PXDN: variants seen among roughly 807,000 people sequenced by gnomAD.
PXDN encodes the protein peroxidasin.
PXDN carries 77 observed loss-of-function variants against 140.3 expected under a neutral mutation model. The ratio of observed to expected loss-of-function variants is 0.55; its 90% CI spans 0.46 to 0.66. The LOEUF (loss-of-function observed/expected upper bound fraction) is 0.66. Among genes scored for constraint, PXDN ranks in the 30% least tolerant of loss-of-function variants. PXDN has a pLI of 0.00. For synonymous variants in PXDN, 911 were observed against 857.4 expected, an observed-to-expected ratio of 1.06 and a Z score of -1.09; for missense variants, 1,838 against 2,039.5, an observed-to-expected ratio of 0.90 and a Z score of 1.90.
At chr2:1,690,645 T>TA (rs1684163900) in intron 3 of PXDN, among the ~76,000 whole-genome samples, 3 of 34,172 alleles carry the variant, frequency 8.8e-5, no homozygotes, top group Non-Finnish European at 1.2e-4. Context: ...ACATTCAAAA[T>TA]ACCAAAAAAA....
At chr2:1,698,912 A>G (rs574587602) in intron 1 of PXDN, among the ~76,000 whole-genome samples, 88 of 152,320 alleles carry the variant, frequency 5.8e-4, no homozygotes, top group African/African-American at 2.0e-3. Context: ...TTTTACATTT[A>G]AAAAGCAAGT....
In PXDN at chr2:1,648,461, G is replaced by A. The variant is rs900790636; in HGVS notation, c.3319C>T (p.Arg1107Trp). Residue 1107 changes from arginine to tryptophan, a missense_variant, in exon 17 of 23, where the codon CGG (arginine) becomes TGG (tryptophan). Arg to Trp is a moderately radical substitution (Grantham distance 101). Around this residue, in one of 5 missense-constraint regions of PXDN, gnomAD observed 850 missense variants for 894.1 expected, o/e 0.95. Coordinates refer to ENST00000252804, the MANE Select transcript of PXDN (RefSeq NM_012293.3). The surrounding 1 kb of genome is among the most constrained non-coding windows in gnomAD (Gnocchi z 8.9). ...PLHKAFFSPF[R>W]IVNEGGIDPL... ...TCGATGCCGCCCTCATTCACAATCC[G>A]GAAGGGAGAGAAGAAAGCTTTGTGA... 9 of 1,610,562 alleles carry A rather than the reference G, an allele frequency of 5.6e-6. No homozygotes were observed. Among genetic ancestry groups the A allele is most frequent in the African/African-American group, 2.7e-5 (2 of 74,924 alleles).
Position 1,654,421 on chromosome 2 carries a change from G to C in PXDN, c.1925C>G (p.Thr642Ser). The change falls in exon 15 of 23, where the codon ACC becomes AGC. Residue 642 changes from threonine (T) to serine (S), a missense_variant. Physicochemically the swap from Thr to Ser is moderately conservative, Grantham distance 58. Transcript: ENST00000252804. Reference sequence around the variant, plus strand: ...ATACCTGTCAAACAAATGTGTTCGGGTTGAGTTTATAGCTCTGTCAACAGT... The same window carrying C: ...ATACCTGTCAAACAAATGTGTTCGGCTTGAGTTTATAGCTCTGTCAACAGT... The part of the protein sequence containing the change: ...IATVDRAINS[T>S]RTHLFDSRPR... The C allele has an allele frequency of 6.2e-7, 1 of 1,613,332 alleles. No individual in the cohort carries two copies. The highest frequency in any genetic ancestry group is 8.5e-7 in the Non-Finnish European group (1 of 1,179,310).
intron 14 of PXDN, among the ~76,000 whole-genome samples, chr2:1,656,633 C>G (rs756852118): frequency 6.7e-6 from 1 of 149,992 alleles, no homozygotes; most frequent in East Asian, 2.0e-4. Flanking sequence ...CCCCTCATGA[C>G]AGGCACCTGC....
At chr2:1,694,547 C>T (rs1044294036) in intron 1 of PXDN, among the ~76,000 whole-genome samples, 2 of 152,248 alleles carry the variant, frequency 1.3e-5, no homozygotes, top group African/African-American at 2.4e-5. Flanking sequence ...CATCATTCCA[C>T]GCCGTGCCCT....
At chr2:1,723,002 G>A (rs1293549857) in intron 1 of PXDN, among the ~76,000 whole-genome samples, 1 of 152,210 alleles carries the variant, frequency 6.6e-6, no homozygotes, top group African/African-American at 2.4e-5. Flanking sequence ...GGATAGATAG[G>A]TGGGTGATTA....
chr2:1,635,468 G>A lies in PXDN; in HGVS notation c.4260C>T (p.Gly1420=), dbSNP rs10193085. ...ACTTGGTGTTGTTGGCGTGAGATTC[G>A]CCCCCGGCATCCACGCACTCTGTGG... The part of the protein sequence containing the change: ...LSTTECVDAG[G]ESHANNTKWK... The change falls in exon 22 of 23, where the codon GGC becomes GGT. Residue 1420 remains glycine (G), a synonymous_variant. Transcript: ENST00000252804. 1.1e-5 allele frequency: 18 copies of A among 1,602,226 alleles called. No homozygotes were observed. The highest frequency in any genetic ancestry group is 4.0e-5 in the African/African-American group (3 of 74,788).
At chr2:1,684,997 A>G (rs1684015718) in intron 4 of PXDN, among the ~76,000 whole-genome samples, 1 of 152,230 alleles carries the variant, frequency 6.6e-6, no homozygotes, top group Admixed American at 6.5e-5. Context: ...GCAAAGAAGC[A>G]GCATGCCAGC....
intron 14 of PXDN, among the ~76,000 whole-genome samples, chr2:1,658,708 C>T (rs976516301): frequency 6.6e-6 from 1 of 152,076 alleles, no homozygotes; most frequent in Non-Finnish European, 1.5e-5. Flanking sequence ...CTCTGCAGCC[C>T]AGTTAGCACC....
At chr2:1,682,499 A>C (rs116330292) in intron 6 of PXDN, among the ~76,000 whole-genome samples, 305 of 152,332 alleles carry the variant, frequency 2.0e-3, no homozygotes, top group Non-Finnish European at 3.3e-3. Context: ...TACTGAATAC[A>C]CTCAGTAATA....
At chr2:1,689,019 C>A (rs1011124155) in intron 3 of PXDN, among the ~76,000 whole-genome samples, 1 of 152,130 alleles carries the variant, frequency 6.6e-6, no homozygotes, top group Non-Finnish European at 1.5e-5. Context: ...TAAAGAGTTA[C>A]AAGCCTTAAC....
At chr2:1,704,266 GA>G (rs1455172766) in intron 1 of PXDN, among the ~76,000 whole-genome samples, 2 of 37,672 alleles carry the variant, frequency 5.3e-5, no homozygotes, top group Non-Finnish European at 4.7e-5. Context: ...TGAAGGGGGG[GA>G]CAGCTCCAGG....
chr2:1,728,711 C>A (rs1558529575), intron 1 of PXDN, among the ~76,000 whole-genome samples: 1 of 152,192 alleles, frequency 6.6e-6, no homozygotes, highest in Admixed American at 6.5e-5. Flanking sequence ...TCACGAGGAA[C>A]AGGTGTGGTG....
Position 1,702,847 on chromosome 2 carries a change from G to A in PXDN, c.201-9713C>T, listed in dbSNP as rs184141253. ...TCACCGAGTTGGCCAAGCTGGTCTC[G>A]AACTCCTGACCTCAGGTGATCCACG... is the stretch of plus-strand genomic sequence containing the variant. On this transcript the variant is annotated intron_variant, in intron 1 of 22. Coordinates refer to ENST00000252804, the MANE Select transcript of PXDN (RefSeq NM_012293.3). 4.0e-3 allele frequency among the ~76,000 whole-genome samples: 605 copies of A among 152,206 alleles called. 4 individuals carry two copies. The highest frequency in any genetic ancestry group is 6.7e-3 in the Non-Finnish European group (457 of 68,012).
Position 1,649,781 on chromosome 2 carries a change from G to C in PXDN, c.2105-106C>G, listed in dbSNP as rs1008801945. On this transcript the variant is annotated intron_variant, in intron 16 of 22. Coordinates refer to ENST00000252804, the MANE Select transcript of PXDN (RefSeq NM_012293.3). The surrounding 1 kb of genome is among the most constrained non-coding windows in gnomAD (Gnocchi z 7.1). ...GCTGACATGGGGCTATCTACCCCCAGCTCATGAAACCTGTTGTGCGCCATG... is the reference window on the plus strand; with the variant it reads ...GCTGACATGGGGCTATCTACCCCCACCTCATGAAACCTGTTGTGCGCCATG... 7.6e-7 allele frequency: 1 copy of C among 1,308,446 alleles called. No individual in the cohort carries two copies. The highest frequency in any genetic ancestry group is 1.5e-5 in the African/African-American group (1 of 68,682). The allele number at this position is 1,308,446 out of a possible 1,614,324, so 81.1% of individuals were successfully genotyped here. A position where few individuals can be genotyped will look rare whatever the true frequency, so the allele number is the denominator to read the frequency against.
At chr2:1,653,297 C>T (rs1481250369) in intron 16 of PXDN, 1 of 371,086 alleles carries the variant, frequency 2.7e-6, no homozygotes, top group Admixed American at 3.7e-5. Flanking sequence ...GCCAAGTCCT[C>T]CCTTATGGCT....
intron 3 of PXDN, among the ~76,000 whole-genome samples, chr2:1,688,494 A>G (rs1684112373): frequency 6.6e-6 from 1 of 152,202 alleles, no homozygotes; most frequent in African/African-American, 2.4e-5. Context: ...AAAGTATCAC[A>G]ATTCCAAAAA....
intron 1 of PXDN, among the ~76,000 whole-genome samples, chr2:1,699,609 T>G (rs1307969454): frequency 6.6e-6 from 1 of 151,786 alleles, no homozygotes; most frequent in Non-Finnish European, 1.5e-5. Context: ...ACTCGGGAGG[T>G]TGAGGCAGGA....
chr2:1,716,749 C>G (rs1684906143), intron 1 of PXDN, among the ~76,000 whole-genome samples: 1 of 152,136 alleles, frequency 6.6e-6, no homozygotes, highest in Non-Finnish European at 1.5e-5. Context: ...CCCTCCCAGC[C>G]CCTTCTCCAT....
Sources: gnomAD v4.1 joint callset for allele counts (sites outside exome capture counted in the v4.1 genomes callset) on GRCh38, gnomAD v4.1.1 for gene constraint, gnomAD v4.1.1 regional missense constraint, Gnocchi (gnomAD v3.1) non-coding constraint, MANE v1.5 for transcripts, NCBI Gene and HGNC (gene_info 2026-07-23, HGNC 2026-07-21) for gene names.